The following ZNF385D variants were observed in gnomAD, a reference collection of about 807,000 sequenced individuals.
The protein encoded by ZNF385D is zinc finger protein 385D.
ZNF385D carries 15 observed loss-of-function variants against 35.8 expected under a neutral mutation model. The observed-to-expected ratio is 0.42, with a 90% CI of 0.28 to 0.64. ZNF385D has a LOEUF of 0.64. ZNF385D is among the 30% of genes least tolerant of loss of function. The probability of loss-of-function intolerance (pLI) is 0.23; values close to 1 mark genes in which losing one functional copy is unlikely to be tolerated. For missense variants in ZNF385D, 474 were observed against 494.6 expected (o/e 0.96, Z 0.39); for synonymous variants, 212 against 186.8 (o/e 1.13, Z -1.10).
intron 3 of ZNF385D, among the ~76,000 whole-genome samples, chr3:22,090,060 G>T (rs1053392859): frequency 5.3e-5 from 8 of 152,214 alleles, no homozygotes; most frequent in African/African-American, 1.9e-4. Flanking sequence ...GGATGGTCTT[G>T]ATCTCCTGAC....
intron 3 of ZNF385D, among the ~76,000 whole-genome samples, chr3:22,067,876 G>T (rs1700033314): frequency 6.6e-6 from 1 of 152,180 alleles, no homozygotes; most frequent in East Asian, 1.9e-4. Flanking sequence ...ACAAAAATTA[G>T]CTGGGCTTGG....
chr3:21,766,273 CTTATG>C (rs1326521068), intron 3 of ZNF385D, among the ~76,000 whole-genome samples: 1 of 151,968 alleles, frequency 6.6e-6, no homozygotes, highest in Non-Finnish European at 1.5e-5. Context: ...TAATGTATTC[CTTATG>C]TTTTTAGTGT....
chr3:22,030,287 A>ATATATATGTATG (rs1559316621), intron 3 of ZNF385D, among the ~76,000 whole-genome samples: 8 of 97,422 alleles, frequency 8.2e-5, no homozygotes, highest in East Asian at 3.4e-4. Flanking sequence ...ATATATATAT[A>ATATATATGTATG]TATATATATA....
chr3:21,759,974 A>C (rs186093577), intron 3 of ZNF385D, among the ~76,000 whole-genome samples: 250 of 152,294 alleles, frequency 1.6e-3, no homozygotes, highest in Non-Finnish European at 3.1e-3. Context: ...AAGTGTGCAT[A>C]ATTCTGTGCC....
chr3:21,552,847 C>G (rs926487471), intron 3 of ZNF385D, among the ~76,000 whole-genome samples: 1 of 152,072 alleles, frequency 6.6e-6, no homozygotes, highest in African/African-American at 2.4e-5. Flanking sequence ...ATTAGGTTAG[C>G]AGATAAAAAT....
chr3:21,454,068 C>T (rs1201109376), intron 4 of ZNF385D, among the ~76,000 whole-genome samples: 1 of 151,950 alleles, frequency 6.6e-6, no homozygotes, highest in African/African-American at 2.4e-5. Context: ...ACCTTGAAAG[C>T]ACTATGCCAA....
intron 1 of ZNF385D, among the ~76,000 whole-genome samples, chr3:21,713,896 C>G (rs1293839577): frequency 6.6e-6 from 1 of 152,174 alleles, no homozygotes; most frequent in Non-Finnish European, 1.5e-5. Context: ...TTTACATCAA[C>G]TGAGTCTTTC....
At chr3:21,715,338 A>T (rs1019654883) in intron 1 of ZNF385D, among the ~76,000 whole-genome samples, 2 of 151,934 alleles carry the variant, frequency 1.3e-5, no homozygotes, top group African/African-American at 2.4e-5. Flanking sequence ...TATGGGTGAG[A>T]CCATGTGATA....
chr3:21,436,033 T>G (rs1701533951), intron 5 of ZNF385D, among the ~76,000 whole-genome samples: 1 of 152,210 alleles, frequency 6.6e-6, no homozygotes, highest in Admixed American at 6.5e-5. Flanking sequence ...ATTCTTTTTC[T>G]ATTATAGTTG....
At chr3:22,085,095 T>C (rs1700958426) in intron 3 of ZNF385D, among the ~76,000 whole-genome samples, 2 of 152,242 alleles carry the variant, frequency 1.3e-5, no homozygotes, top group Non-Finnish European at 2.9e-5. Context: ...GGGAAATTTA[T>C]AGCACTAAAT....
intron 3 of ZNF385D, among the ~76,000 whole-genome samples, chr3:21,867,827 T>C (rs1287134510): frequency 2.0e-5 from 3 of 152,018 alleles, no homozygotes; most frequent in African/African-American, 4.8e-5. Context: ...TCTAAGATGA[T>C]AGAAATGTTC....
At chr3:22,331,393 T>C (rs73039274) in intron 2 of ZNF385D, among the ~76,000 whole-genome samples, 31,451 of 152,108 alleles carry the variant, frequency 0.21, 3,638 homozygotes, top group Non-Finnish European at 0.27. Flanking sequence ...ACTCTAACAA[T>C]GGTTATAAAC....
chr3:21,672,236 C>T (rs2125286402), intron 1 of ZNF385D, among the ~76,000 whole-genome samples: 1 of 152,154 alleles, frequency 6.6e-6, no homozygotes, highest in African/African-American at 2.4e-5. Context: ...AACCATTTTT[C>T]TTTCGTTGTT....
At chr3:22,164,608 CTTTT>C (rs5847166) in intron 3 of ZNF385D, among the ~76,000 whole-genome samples, 4 of 138,340 alleles carry the variant, frequency 2.9e-5, no homozygotes, top group Non-Finnish European at 6.3e-5. Flanking sequence ...CCCAAAGGGA[CTTTT>C]TTTTTTTTTT....
At chr3:22,239,515 T>C (rs918686857) in intron 2 of ZNF385D, among the ~76,000 whole-genome samples, 1 of 148,662 alleles carries the variant, frequency 6.7e-6, no homozygotes, top group South Asian at 2.2e-4. Flanking sequence ...CTACCACATA[T>C]ACAAAATACA....
At chr3:22,124,096 T>C (rs1003817795) in intron 3 of ZNF385D, among the ~76,000 whole-genome samples, 10 of 151,612 alleles carry the variant, frequency 6.6e-5, no homozygotes, top group African/African-American at 2.4e-4. Context: ...ACCCCTACAA[T>C]TCTCAGCTTC....
At chr3:22,045,927 G>C (rs1203005588) in intron 3 of ZNF385D, among the ~76,000 whole-genome samples, 1 of 152,028 alleles carries the variant, frequency 6.6e-6, no homozygotes, top group African/African-American at 2.4e-5. Context: ...CTATCTCCAA[G>C]CCCCAGGTGT....
intron 3 of ZNF385D, among the ~76,000 whole-genome samples, chr3:21,764,072 C>T (rs1271328362): frequency 6.6e-6 from 1 of 151,984 alleles, no homozygotes; most frequent in Non-Finnish European, 1.5e-5. Flanking sequence ...GATGGATAAT[C>T]AGGGAGATTA....
At chr3:21,938,888 C>A (rs1559772740) in intron 3 of ZNF385D, among the ~76,000 whole-genome samples, 1 of 152,182 alleles carries the variant, frequency 6.6e-6, no homozygotes. Context: ...CGTTACTTTG[C>A]AATTTAGTAT....
Sources: allele counts gnomAD v4.1 joint callset (sites outside exome capture counted in the v4.1 genomes callset), GRCh38; gene constraint gnomAD v4.1.1; transcripts MANE v1.5; gene names NCBI Gene and HGNC (gene_info 2026-07-23, HGNC 2026-07-21).